Variants in ATG13 observed in about 807,000 individuals in gnomAD.
The protein encoded by ATG13 is autophagy-related protein 13.
A neutral mutation model predicts 65.5 loss-of-function variants in ATG13; 23 were observed. That is an observed-to-expected ratio of 0.35 (90% CI 0.25 to 0.50). The LOEUF is 0.50. Among genes scored for constraint, ATG13 ranks in the 20% least tolerant of loss-of-function variants. ATG13 has a pLI of 0.98. For missense variants in ATG13, 566 were observed against 677.0 expected, an observed-to-expected ratio of 0.84 and a Z score of 1.82; for synonymous variants, 252 against 245.2, an observed-to-expected ratio of 1.03 and a Z score of -0.26.
At chr11:46,632,726 G>A (rs552604407) in intron 2 of ATG13, among the ~76,000 whole-genome samples, 5 of 152,180 alleles carry the variant, frequency 3.3e-5, no homozygotes, top group African/African-American at 4.8e-5. Flanking sequence ...TGCCCCTGTG[G>A]TAGAGAAGGA....
At position 46,663,631 on chromosome 11, in the gene ATG13, C is replaced by CTG. The variant is rs1183228170; in HGVS notation, c.790-366_790-365insTG. Among the ~76,000 whole-genome samples, 3 of 152,318 alleles carry CTG rather than the reference C, an allele frequency of 2.0e-5. No homozygotes were observed. The East Asian group carries it at 5.8e-4, about 29-fold the overall frequency. On this transcript the variant is annotated intron_variant, in intron 11 of 18. Coordinates refer to ENST00000683050, the MANE Select transcript of ATG13 (RefSeq NM_001346311.2). ...AGCACACCTTGCATCTGCAGTCAGACCTTTCTGTTGGAAGCTGCTGTCTGA... is the reference window on the plus strand; with the variant it reads ...AGCACACCTTGCATCTGCAGTCAGACTGCTTTCTGTTGGAAGCTGCTGTCTGA...
chr11:46,670,279 G>A (rs2063413854), intron 18 of ATG13, among the ~76,000 whole-genome samples: 1 of 150,924 alleles, frequency 6.6e-6, no homozygotes, highest in African/African-American at 2.4e-5. Flanking sequence ...TCAGGAGTTC[G>A]AGACCAGCCT....
At chr11:46,649,350 G>A (rs1231699384) in intron 6 of ATG13, among the ~76,000 whole-genome samples, 167 bp downstream of exon 6, 2 of 152,220 alleles carry the variant, frequency 1.3e-5, no homozygotes, top group Non-Finnish European at 2.9e-5. Flanking sequence ...TTCCAGCCTG[G>A]ACACAGAGAT....
chr11:46,617,723 GCCTGCGAGCCAGGAC>G lies in ATG13; in HGVS notation c.-233_-219del. On this transcript the variant is annotated 5_prime_UTR_variant, in exon 1 of 19. Transcript: ENST00000683050. ...GAGTCTTAGGAGCAAAACGTCTGGG[GCCTGCGAGCCAGGAC>G]CCTTCTGAAGCCTTAGGTGTCTATC... The G allele has an allele frequency of 2.5e-6, 1 of 398,002 alleles. No homozygotes were observed. The highest frequency in any genetic ancestry group is 6.3e-4 in the Middle Eastern group (1 of 1,586). The allele number at this position is 398,002 out of a possible 1,614,324, so 24.7% of individuals were successfully genotyped here.
intron 8 of ATG13, chr11:46,656,873 A>G (rs1378501253): frequency 3.6e-6 from 2 of 549,160 alleles, no homozygotes; most frequent in South Asian, 2.6e-5. Context: ...TATTGGCTCA[A>G]TATAGAATAC....
intron 1 of ATG13, 24 bp downstream of exon 1, chr11:46,617,914 C>G: frequency 2.5e-6 from 1 of 399,172 alleles, no homozygotes; most frequent in Non-Finnish European, 4.4e-6. Context: ...CGGGGGATAC[C>G]CCAAGATCTC....
chr11:46,618,356 C>T (rs1208192632), intron 1 of ATG13: 1 of 152,874 alleles, frequency 6.5e-6, no homozygotes, highest in Non-Finnish European at 1.5e-5. Context: ...GTGATCCATT[C>T]TCATTAAATA....
intron 17 of ATG13, 152 bp from the exon 18 acceptor site, chr11:46,669,252 T>G: frequency 1.0e-6 from 1 of 997,776 alleles, no homozygotes; most frequent in Non-Finnish European, 1.5e-6. Context: ...GCATTAGAAG[T>G]GAACAGTCTG....
chr11:46,632,995 TAA>T (rs369521444), intron 2 of ATG13, among the ~76,000 whole-genome samples: 42 of 104,354 alleles, frequency 4.0e-4, no homozygotes, highest in African/African-American at 1.4e-3. Flanking sequence ...AGACCCCCAT[TAA>T]AAAAAAATAT....
intron 10 of ATG13, 86 bp from the exon 11 acceptor site, chr11:46,659,306 C>A: frequency 9.6e-7 from 1 of 1,044,408 alleles, no homozygotes; most frequent in Non-Finnish European, 1.5e-6. Flanking sequence ...AGCACAGGTC[C>A]CATCTCTATC....
chr11:46,646,759 C>G (rs911743138), intron 5 of ATG13, among the ~76,000 whole-genome samples: 2 of 151,698 alleles, frequency 1.3e-5, no homozygotes, highest in African/African-American at 4.8e-5. Flanking sequence ...GCTACTGCGC[C>G]TGGCCTGTTT....
At chr11:46,645,560 G>A (rs2057317028) in intron 4 of ATG13, 141 bp downstream of exon 4, 1 of 816,316 alleles carries the variant, frequency 1.2e-6, no homozygotes, top group Non-Finnish European at 1.9e-6. Context: ...CCATTTACTT[G>A]AAAAGGTTGT....
chr11:46,650,825 C>T (rs2058743294), intron 7 of ATG13, among the ~76,000 whole-genome samples: 1 of 152,068 alleles, frequency 6.6e-6, no homozygotes, highest in South Asian at 2.1e-4. Context: ...AGGCTGGTCT[C>T]GAGCTCCTGA....
chr11:46,650,357 C>A, intron 7 of ATG13, 40 bp downstream of exon 7: 1 of 1,587,602 alleles, frequency 6.3e-7, no homozygotes. Context: ...ACTCATCAAC[C>A]CCCTCACTTT....
intron 18 of ATG13, 80 bp downstream of exon 18, chr11:46,669,612 C>G (rs1410768446): frequency 4.7e-6 from 7 of 1,489,086 alleles, no homozygotes; most frequent in Non-Finnish European, 6.4e-6. Flanking sequence ...AGGCCTACCA[C>G]CTTCTATCTT....
At chr11:46,632,718 C>G (rs2135956650) in intron 2 of ATG13, among the ~76,000 whole-genome samples, 1 of 152,154 alleles carries the variant, frequency 6.6e-6, no homozygotes, top group Non-Finnish European at 1.5e-5. Flanking sequence ...AAACCACTTG[C>G]CCCTGTGGTA....
At chr11:46,654,698 G>A (rs966802928) in intron 7 of ATG13, among the ~76,000 whole-genome samples, 1 of 151,760 alleles carries the variant, frequency 6.6e-6, no homozygotes, top group Non-Finnish European at 1.5e-5. Context: ...CTCCAGCATG[G>A]GCAACACACT....
intron 2 of ATG13, among the ~76,000 whole-genome samples, chr11:46,636,716 C>G (rs944676140): frequency 3.9e-5 from 6 of 151,952 alleles, no homozygotes; most frequent in African/African-American, 1.4e-4. Context: ...CTCAACCTCC[C>G]AAAGAGCTGG....
At chr11:46,620,099 T>C (rs2135545672) in intron 1 of ATG13, among the ~76,000 whole-genome samples, 1 of 151,964 alleles carries the variant, frequency 6.6e-6, no homozygotes, top group South Asian at 2.1e-4. Context: ...TTTTTTGTTG[T>C]TGTTTTTTGC....
Sources: gnomAD v4.1 joint callset for allele counts (sites outside exome capture counted in the v4.1 genomes callset) on GRCh38, gnomAD v4.1.1 for gene constraint, MANE v1.5 for transcripts, NCBI Gene and HGNC (gene_info 2026-07-23, HGNC 2026-07-21) for gene names.